IQGAP2: variants seen among roughly 807,000 people sequenced by gnomAD.
IQGAP2 encodes IQ motif containing GTPase activating protein 2, also known as ras GTPase-activating-like protein IQGAP2.
A neutral mutation model predicts 201.3 loss-of-function variants in IQGAP2; 173 were observed. That is an observed-to-expected ratio of 0.86 (90% CI 0.76 to 0.98). The LOEUF (loss-of-function observed/expected upper bound fraction) is 0.98. Ranked by LOEUF, IQGAP2 falls within the 50% of genes least tolerant of loss-of-function variation. IQGAP2 has a pLI of 0.00. For missense variants in IQGAP2, 1,687 were observed against 1,864.8 expected (o/e 0.90, Z 1.76); for synonymous variants, 675 against 673.9 (o/e 1.00, Z -0.03).
intron 1 of IQGAP2, among the ~76,000 whole-genome samples, chr5:76,408,568 T>C (rs1240959402): frequency 1.3e-5 from 2 of 152,154 alleles, no homozygotes; most frequent in African/African-American, 4.8e-5. Context: ...TGTCTTTAAG[T>C]AGTTTGTCAT....
At position 76,707,368 on chromosome 5, in the gene IQGAP2, G is replaced by T. The variant is rs1748000059; in HGVS notation, c.*55G>T. On this transcript the variant is annotated 3_prime_UTR_variant, in exon 36 of 36. Coordinates refer to ENST00000274364, the MANE Select transcript of IQGAP2 (RefSeq NM_006633.5). ...ATCATCTGGATTAGGAAATGAATTTGTTTAATATTTTTGTTTTTAAACATG... is the reference window on the plus strand; with the variant it reads ...ATCATCTGGATTAGGAAATGAATTTTTTTAATATTTTTGTTTTTAAACATG... 7.2e-6 allele frequency: 6 copies of T among 830,758 alleles called. No individual in the cohort carries two copies. Among genetic ancestry groups the T allele is most frequent in the Non-Finnish European group, 1.2e-5 (6 of 491,726 alleles). 51.5% of individuals were successfully genotyped at this position (830,758 alleles called of 1,614,324 possible).
intron 2 of IQGAP2, among the ~76,000 whole-genome samples, chr5:76,508,125 G>A (rs1757724001): frequency 6.6e-6 from 1 of 151,420 alleles, no homozygotes; most frequent in South Asian, 2.1e-4. Flanking sequence ...GAGGTCAGGA[G>A]TTCAAGAGCA....
intron 22 of IQGAP2, among the ~76,000 whole-genome samples, chr5:76,666,729 T>C (rs896280703): frequency 6.6e-6 from 1 of 152,200 alleles, no homozygotes; most frequent in Non-Finnish European, 1.5e-5. Context: ...TTCGACCCGT[T>C]GGTTACACTT....
At chr5:76,614,124 T>G (rs146123347) in intron 13 of IQGAP2, among the ~76,000 whole-genome samples, 115 of 152,342 alleles carry the variant, frequency 7.5e-4, no homozygotes, top group African/African-American at 2.6e-3. Flanking sequence ...GAGGTGAGCC[T>G]GACTCCACAA....
At chr5:76,519,002 A>G (rs563399365) in intron 2 of IQGAP2, among the ~76,000 whole-genome samples, 3 of 152,324 alleles carry the variant, frequency 2.0e-5, no homozygotes, top group Admixed American at 6.5e-5. Context: ...AGATGAGACA[A>G]TGAGTCTACC....
In IQGAP2 at chr5:76,677,208, C is replaced by A; in HGVS notation, c.3528-10C>A. ...TGAGTCTGTCTTAAGACTTTTCCCC[C>A]CTTTATTAGGAAATATTTCAAAGAA... is the stretch of plus-strand genomic sequence containing the variant. On this transcript the variant is annotated splice_polypyrimidine_tract_variant and intron_variant, in intron 27 of 35. Transcript: ENST00000274364. 3 of 1,611,218 alleles carry A rather than the reference C, an allele frequency of 1.9e-6. No individual in the cohort carries two copies. The highest frequency in any genetic ancestry group is 1.1e-5 in the South Asian group (1 of 90,586).
intron 17 of IQGAP2, among the ~76,000 whole-genome samples, chr5:76,646,163 G>A (rs1039519028): frequency 6.6e-6 from 1 of 152,108 alleles, no homozygotes; most frequent in Non-Finnish European, 1.5e-5. Flanking sequence ...ATGTTTTACT[G>A]GTTGGACTGC....
Position 76,641,047 on chromosome 5 carries a change from T to A in IQGAP2, c.2038T>A (p.Phe680Ile). Residue 680 changes from phenylalanine to isoleucine, a missense_variant, in exon 17 of 36, where the codon TTT becomes ATT. By Grantham distance (21) the Phe-to-Ile change is conservative. Transcript: ENST00000274364. The stretch of plus-strand genomic sequence containing the variant: ...CTCAGGACCCATCCTTAGGGAAGAG[T>A]TTGAAGCTAGAAAATCATTTTTGCA... Reference protein sequence around the residue: ...TSSGPILREEFEARKSFLHEQ... With the variant: ...TSSGPILREEIEARKSFLHEQ... 1.2e-6 allele frequency: 2 copies of A among 1,609,316 alleles called. No homozygotes were observed. Among genetic ancestry groups the A allele is most frequent in the East Asian group, 4.5e-5 (2 of 44,710 alleles).
rs1050395130 is a variant in IQGAP2, at chr5:76,403,964, C to A, written c.46+373C>A. The stretch of plus-strand genomic sequence containing the variant: ...TGGGCCAGGGGGTGGCGTAAGGCAC[C>A]GGATTCTTCCAACCCAGAAGGGGAG... On this transcript the variant is annotated intron_variant, in intron 1 of 35. Transcript: ENST00000274364. This position sits in a 1 kb window ranked among gnomAD's most constrained non-coding sequence, Gnocchi z 4.8. Among the ~76,000 whole-genome samples the A allele has an allele frequency of 6.6e-5, 10 of 152,240 alleles. No individual in the cohort carries two copies. Among genetic ancestry groups the A allele is most frequent in the Middle Eastern group, 3.4e-3 (1 of 294 alleles).
At chr5:76,646,042 G>C (rs1221339788) in intron 17 of IQGAP2, among the ~76,000 whole-genome samples, 1 of 152,162 alleles carries the variant, frequency 6.6e-6, no homozygotes, top group Non-Finnish European at 1.5e-5. Flanking sequence ...CTTTCAGTAT[G>C]GACTAAGGAA....
intron 17 of IQGAP2, among the ~76,000 whole-genome samples, chr5:76,648,448 C>T (rs146985387): frequency 6.6e-5 from 10 of 152,262 alleles, no homozygotes; most frequent in African/African-American, 2.4e-4. Flanking sequence ...ACCGACATTA[C>T]CTAAGGTTCA....
At chr5:76,606,489 C>T (rs973649394) in intron 12 of IQGAP2, 186 bp downstream of exon 12, 13 of 357,836 alleles carry the variant, frequency 3.6e-5, no homozygotes, top group East Asian at 1.6e-4. Context: ...ATGTTATAAA[C>T]GTTACAAAGC....
chr5:76,681,168 T>C (rs956728771), intron 28 of IQGAP2, among the ~76,000 whole-genome samples: 4 of 150,848 alleles, frequency 2.7e-5, no homozygotes, highest in East Asian at 1.9e-4. Context: ...ATATGTTTGA[T>C]TGGGGACTTG....
Position 76,695,524 on chromosome 5 carries a change from A to G in IQGAP2, c.4064A>G (p.His1355Arg), listed in dbSNP as rs755675852. 1 of 1,614,214 alleles carries G rather than the reference A, an allele frequency of 6.2e-7. No individual in the cohort carries two copies. Among genetic ancestry groups the G allele is most frequent in the Admixed American group, 1.7e-5 (1 of 60,028 alleles). The part of the protein sequence containing the change: ...IDSRTPEEMK[H>R]SQSMIEDAQL... ...TCCAGGACTCCAGAAGAAATGAAGC[A>G]TAGCCAATCTATGATTGAAGATGCA... is the stretch of plus-strand genomic sequence containing the variant. Residue 1355 changes from histidine to arginine, a missense_variant, in exon 32 of 36, where the codon CAT (histidine) becomes CGT (arginine). By Grantham distance (29) the His-to-Arg change is conservative (BLOSUM62 0). Coordinates refer to ENST00000274364, the MANE Select transcript of IQGAP2 (RefSeq NM_006633.5).
At chr5:76,406,641 C>G (rs1750810121) in intron 1 of IQGAP2, among the ~76,000 whole-genome samples, 1 of 152,222 alleles carries the variant, frequency 6.6e-6, no homozygotes, top group Non-Finnish European at 1.5e-5. Flanking sequence ...ATTCTGAAAA[C>G]ACATTGCTGC....
intron 25 of IQGAP2, 65 bp downstream of exon 25, chr5:76,673,654 T>A (rs1423933329): frequency 9.1e-6 from 14 of 1,535,450 alleles, no homozygotes; most frequent in Non-Finnish European, 1.3e-5. Context: ...CGATGTAAAA[T>A]AAGCCCCTGT....
intron 2 of IQGAP2, among the ~76,000 whole-genome samples, chr5:76,558,753 C>T (rs1175486771): frequency 6.6e-6 from 1 of 152,202 alleles, no homozygotes; most frequent in East Asian, 1.9e-4. Flanking sequence ...CACCAACACC[C>T]CTCCTTTAGC....
chr5:76,405,240 C>T (rs1228445240), intron 1 of IQGAP2, among the ~76,000 whole-genome samples: 4 of 152,192 alleles, frequency 2.6e-5, no homozygotes, highest in Non-Finnish European at 2.9e-5. Flanking sequence ...TTGATTTTCA[C>T]GGAATAAATC....
intron 2 of IQGAP2, among the ~76,000 whole-genome samples, chr5:76,469,874 A>G (rs1029373330): frequency 2.0e-5 from 3 of 152,172 alleles, no homozygotes; most frequent in African/African-American, 7.2e-5. Context: ...GATGTCTTGT[A>G]TATGTATTAG....
Sources: allele counts gnomAD v4.1 joint callset (sites outside exome capture counted in the v4.1 genomes callset), GRCh38; gene constraint gnomAD v4.1.1; non-coding constraint Gnocchi (gnomAD v3.1); transcripts MANE v1.5; gene names NCBI Gene and HGNC (gene_info 2026-07-23, HGNC 2026-07-21).